RUNX1T1: variants seen among roughly 807,000 people sequenced by gnomAD.
RUNX1T1 encodes the protein RUNX1 partner transcriptional co-repressor 1.
A neutral mutation model predicts 62.8 loss-of-function variants in RUNX1T1; 4 were observed. The ratio of observed to expected loss-of-function variants is 0.06; its 90% CI spans 0.03 to 0.15. RUNX1T1 has a LOEUF of 0.15. Ranked by LOEUF, RUNX1T1 falls within the 10% of genes least tolerant of loss-of-function variation. The pLI is 1.00. For synonymous variants in RUNX1T1, 291 were observed against 286.0 expected (o/e 1.02, Z -0.18); for missense variants, 508 against 754.3 (o/e 0.67, Z 3.82).
At chr8:91,959,466 GTA>G (rs1244578774) in exon 11 of RUNX1T1, 103 of 89,244 alleles carry the variant, frequency 1.2e-3, no homozygotes, top group Middle Eastern at 3.8e-3. Context: ...GTGTGTGTGT[GTA>G]TATGTGCGTG....
intron 2 of RUNX1T1, among the ~76,000 whole-genome samples, chr8:92,073,707 CATTT>C (rs946722506): frequency 1.1e-4 from 17 of 151,966 alleles, no homozygotes; most frequent in African/African-American, 4.1e-4. Context: ...TATATTTTTT[CATTT>C]ATTTAAAAAC....
chr8:92,034,791 C>CCT (rs1827029247), intron 1 of RUNX1T1, among the ~76,000 whole-genome samples: 1 of 115,578 alleles, frequency 8.7e-6, no homozygotes. Flanking sequence ...TATATATATA[C>CCT]ATATATACAC....
chr8:92,051,891 T>TAAA (rs113781343), intron 1 of RUNX1T1, among the ~76,000 whole-genome samples: 1 of 142,802 alleles, frequency 7.0e-6, no homozygotes, highest in Non-Finnish European at 1.5e-5. Context: ...TCATGCTCTT[T>TAAA]AAAAAAAAAA....
intron 10 of RUNX1T1, among the ~76,000 whole-genome samples, chr8:91,969,529 C>T (rs1812336596): frequency 6.6e-6 from 1 of 152,054 alleles, no homozygotes; most frequent in Non-Finnish European, 1.5e-5. Flanking sequence ...CACAAGATAC[C>T]AATAAAACTG....
chr8:92,017,307 A>T (rs1563765793), exon 2 of RUNX1T1: 2 of 1,614,084 alleles, frequency 1.2e-6, no homozygotes, highest in Non-Finnish European at 8.5e-7. Context: ...GTCAGCCTAG[A>T]TTGCGTCTTC....
chr8:92,094,776 G>A (rs146286149), intron 1 of RUNX1T1, among the ~76,000 whole-genome samples: 1 of 152,142 alleles, frequency 6.6e-6, no homozygotes, highest in Admixed American at 6.5e-5. Context: ...GAGGAAATAA[G>A]ACATTTTAAG....
chr8:92,076,227 AGTTTTGTTAT>A, intron 1 of RUNX1T1, 90 bp from the exon 2 acceptor site: 2 of 1,000,798 alleles, frequency 2.0e-6, no homozygotes, highest in Admixed American at 4.0e-5. Context: ...ACACTAGGCC[AGTTTTGTTAT>A]GTTTTGTTTA....
chr8:91,984,888 G>A (rs1430634456), intron 8 of RUNX1T1, among the ~76,000 whole-genome samples: 1 of 152,060 alleles, frequency 6.6e-6, no homozygotes, highest in Non-Finnish European at 1.5e-5. Flanking sequence ...ATATGCTTCA[G>A]AATAATGCTT....
At chr8:91,965,841 C>T (rs919399528) in intron 10 of RUNX1T1, among the ~76,000 whole-genome samples, 3 of 152,110 alleles carry the variant, frequency 2.0e-5, no homozygotes, top group Admixed American at 2.0e-4. Flanking sequence ...CATTTCTTAA[C>T]TGTTTTTCTT....
At chr8:92,011,266 T>C (rs1009901283) in intron 3 of RUNX1T1, among the ~76,000 whole-genome samples, 175 bp from the exon 5 acceptor site, 7 of 152,214 alleles carry the variant, frequency 4.6e-5, no homozygotes, top group African/African-American at 1.7e-4. Context: ...ACACAGTTTA[T>C]TGCATCACTC....
At chr8:92,038,320 A>G (rs1237376221) in intron 1 of RUNX1T1, among the ~76,000 whole-genome samples, 1 of 152,172 alleles carries the variant, frequency 6.6e-6, no homozygotes, top group Non-Finnish European at 1.5e-5. Flanking sequence ...ATTAAAAAAA[A>G]CTGTATAAAA....
intron 1 of RUNX1T1, among the ~76,000 whole-genome samples, chr8:92,093,306 C>T (rs1465060833): frequency 6.6e-6 from 1 of 151,744 alleles, no homozygotes; most frequent in Non-Finnish European, 1.5e-5. Flanking sequence ...TAAGTCCCTT[C>T]TGGTTTTTTT....
intron 8 of RUNX1T1, among the ~76,000 whole-genome samples, chr8:91,980,278 AGATT>A (rs1441289671): frequency 6.6e-6 from 1 of 152,230 alleles, no homozygotes; most frequent in Non-Finnish European, 1.5e-5. Flanking sequence ...AATGACTGTG[AGATT>A]AATTTCATGA....
chr8:92,026,909 A>G (rs1825287687), intron 1 of RUNX1T1, among the ~76,000 whole-genome samples: 1 of 151,626 alleles, frequency 6.6e-6, no homozygotes, highest in Non-Finnish European at 1.5e-5. Flanking sequence ...CGAGGTCAGG[A>G]GATCGAGACC....
chr8:92,032,353 T>A (rs551234628), intron 1 of RUNX1T1, among the ~76,000 whole-genome samples: 4 of 152,218 alleles, frequency 2.6e-5, no homozygotes, highest in Admixed American at 6.5e-5. Context: ...TAAACCCGTC[T>A]CATGCCATAT....
At chr8:92,088,991 A>G (rs997234018) in intron 1 of RUNX1T1, among the ~76,000 whole-genome samples, 1 of 152,182 alleles carries the variant, frequency 6.6e-6, no homozygotes, top group Non-Finnish European at 1.5e-5. Flanking sequence ...CTGAATACCA[A>G]TGCAAAAATT....
intron 1 of RUNX1T1, among the ~76,000 whole-genome samples, chr8:92,099,153 T>G (rs1019414346): frequency 1.3e-5 from 2 of 152,208 alleles, no homozygotes; most frequent in Non-Finnish European, 2.9e-5. Context: ...GCAAACATAA[T>G]TTAACAAGTT....
chr8:91,996,469 G>A (rs1158619488), intron 5 of RUNX1T1, among the ~76,000 whole-genome samples: 3 of 152,170 alleles, frequency 2.0e-5, no homozygotes, highest in African/African-American at 7.2e-5. Flanking sequence ...CCAAAGTGCT[G>A]GGATTACAGG....
chr8:91,987,056 G>C, intron 6 of RUNX1T1, 84 bp from the exon 8 acceptor site: 1 of 860,326 alleles, frequency 1.2e-6, no homozygotes, highest in Admixed American at 1.8e-5. Flanking sequence ...AGGACTATGT[G>C]GGCAAACTCG....
Sources: gnomAD v4.1 joint callset for allele counts (sites outside exome capture counted in the v4.1 genomes callset) on GRCh38, gnomAD v4.1.1 for gene constraint, MANE v1.5 for transcripts, NCBI Gene and HGNC (gene_info 2026-07-23, HGNC 2026-07-21) for gene names.